Variants in HPSE2 observed in about 807,000 individuals in gnomAD.
The protein encoded by HPSE2 is heparanase 2 (inactive).
Under a neutral mutation model 60.5 loss-of-function variants are expected in HPSE2, and 38 were observed. That is an observed-to-expected ratio of 0.63 (90% CI 0.48 to 0.82). The LOEUF is 0.82. Ranked by LOEUF, HPSE2 falls within the 40% of genes least tolerant of loss-of-function variation. HPSE2 has a pLI of 0.00. For synonymous variants in HPSE2, 295 were observed against 293.2 expected (o/e 1.01, Z -0.06); for missense variants, 713 against 740.4 (o/e 0.96, Z 0.43).
chr10:99,193,079 C>T (rs1017939737), intron 2 of HPSE2, among the ~76,000 whole-genome samples: 6 of 152,000 alleles, frequency 3.9e-5, no homozygotes, highest in African/African-American at 1.4e-4. Context: ...ATAATAACTA[C>T]AACAACTTTT....
chr10:99,280,665 T>A, the HPSE2 span, among the ~76,000 whole-genome samples: 1 of 152,168 alleles, frequency 6.6e-6, no homozygotes, highest in Non-Finnish European at 1.5e-5. Context: ...ACTTTGCATA[T>A]GTAACACAGC....
chr10:98,926,946 C>A (rs1282968757), intron 3 of HPSE2, among the ~76,000 whole-genome samples: 1 of 152,138 alleles, frequency 6.6e-6, no homozygotes, highest in Non-Finnish European at 1.5e-5. Flanking sequence ...ATCCTGAGTT[C>A]TAGTTCGATT....
At chr10:98,494,353 A>G (rs1030827486) in intron 9 of HPSE2, among the ~76,000 whole-genome samples, 4 of 152,240 alleles carry the variant, frequency 2.6e-5, no homozygotes, top group Non-Finnish European at 5.9e-5. Flanking sequence ...AACTGTTTAA[A>G]AGAGGCAAAG....
At chr10:98,974,950 C>G (rs1956051285) in intron 3 of HPSE2, among the ~76,000 whole-genome samples, 1 of 152,098 alleles carries the variant, frequency 6.6e-6, no homozygotes, top group Non-Finnish European at 1.5e-5. Context: ...TTATTTTGAT[C>G]TTCAACATAG....
At chr10:98,573,228 T>A (rs988764764) in intron 9 of HPSE2, among the ~76,000 whole-genome samples, 4 of 152,228 alleles carry the variant, frequency 2.6e-5, no homozygotes, top group African/African-American at 9.6e-5. Context: ...TTATTCTTTT[T>A]AAATATAACA....
chr10:99,000,708 G>A (rs1956758461), intron 3 of HPSE2, among the ~76,000 whole-genome samples: 2 of 151,994 alleles, frequency 1.3e-5, no homozygotes, highest in South Asian at 4.1e-4. Flanking sequence ...AATGGAGGAT[G>A]TAAGACAGAT....
chr10:98,811,785 A>G (rs1388543385), intron 3 of HPSE2, among the ~76,000 whole-genome samples: 1 of 152,164 alleles, frequency 6.6e-6, no homozygotes, highest in Non-Finnish European at 1.5e-5. Flanking sequence ...ACATCTTAAC[A>G]ATGTGTATTG....
At chr10:98,573,751 TG>T (rs1554943605) in intron 9 of HPSE2, among the ~76,000 whole-genome samples, 2 of 152,202 alleles carry the variant, frequency 1.3e-5, no homozygotes, top group Non-Finnish European at 2.9e-5. Context: ...ATATGCTAGC[TG>T]TATAGATGAG....
intron 9 of HPSE2, 91 bp from the exon 10 acceptor site, chr10:98,490,287 ACACACG>A (rs1941598872): frequency 1.7e-6 from 1 of 594,766 alleles, no homozygotes; most frequent in African/African-American, 2.1e-5. Context: ...ACACACACAC[ACACACG>A]GGCCAGAAAT....
At chr10:98,606,489 C>G (rs1401977474) in intron 9 of HPSE2, among the ~76,000 whole-genome samples, 1 of 152,152 alleles carries the variant, frequency 6.6e-6, no homozygotes, top group Non-Finnish European at 1.5e-5. Flanking sequence ...GGCTTGAGAA[C>G]CACTGCTCTA....
chr10:98,989,361 C>T (rs1286173921), intron 3 of HPSE2, among the ~76,000 whole-genome samples: 3 of 151,938 alleles, frequency 2.0e-5, no homozygotes, highest in Admixed American at 2.0e-4. Flanking sequence ...ATGGATGAAA[C>T]TGGAAACCAT....
At chr10:98,484,376 T>G (rs934042712) in intron 10 of HPSE2, among the ~76,000 whole-genome samples, 1 of 152,242 alleles carries the variant, frequency 6.6e-6, no homozygotes, top group Non-Finnish European at 1.5e-5. Flanking sequence ...TAGCTGAGAT[T>G]ACAGGCGTGC....
chr10:98,886,099 T>A (rs1282969977), intron 3 of HPSE2, among the ~76,000 whole-genome samples: 1 of 152,100 alleles, frequency 6.6e-6, no homozygotes, highest in African/African-American at 2.4e-5. Context: ...AATATTAAGA[T>A]ACACAAAAAT....
the HPSE2 span, among the ~76,000 whole-genome samples, chr10:99,275,700 C>T: frequency 6.6e-6 from 1 of 152,320 alleles, no homozygotes; most frequent in Admixed American, 6.5e-5. Context: ...AATCCTCCCT[C>T]TTTCCAACAG....
At chr10:98,853,114 C>A (rs952466036) in intron 3 of HPSE2, among the ~76,000 whole-genome samples, 9 of 152,178 alleles carry the variant, frequency 5.9e-5, no homozygotes, top group Admixed American at 5.9e-4. Context: ...TCATAAATAT[C>A]TTTGTCATTA....
chr10:98,814,274 AT>A (rs1951235266), intron 3 of HPSE2, among the ~76,000 whole-genome samples: 2 of 152,194 alleles, frequency 1.3e-5, no homozygotes, highest in Non-Finnish European at 1.5e-5. Context: ...ATATTGAAAT[AT>A]AATAGATTTT....
chr10:99,058,051 A>C (rs537751345), intron 3 of HPSE2, among the ~76,000 whole-genome samples: 1 of 152,358 alleles, frequency 6.6e-6, no homozygotes, highest in Non-Finnish European at 1.5e-5. Flanking sequence ...CTGTAAAGGA[A>C]GAGTCAGACA....
At chr10:99,252,678 C>T in the HPSE2 span, among the ~76,000 whole-genome samples, 1 of 151,982 alleles carries the variant, frequency 6.6e-6, no homozygotes, top group East Asian at 1.9e-4. Flanking sequence ...AGATCGAGAC[C>T]ATCCTGGCTA....
At chr10:98,736,423 T>C (rs1367331877) in intron 4 of HPSE2, among the ~76,000 whole-genome samples, 1 of 152,174 alleles carries the variant, frequency 6.6e-6, no homozygotes, top group Non-Finnish European at 1.5e-5. Flanking sequence ...TGTAACTATC[T>C]AACTGTGACA....
Sources: gnomAD v4.1 joint callset for allele counts (sites outside exome capture counted in the v4.1 genomes callset) on GRCh38, gnomAD v4.1.1 for gene constraint, MANE v1.5 for transcripts, NCBI Gene and HGNC (gene_info 2026-07-23, HGNC 2026-07-21) for gene names.